Variants in CDH23 observed in about 807,000 individuals in gnomAD.
The protein encoded by CDH23 is cadherin related 23.
A neutral mutation model predicts 317.1 loss-of-function variants in CDH23; 189 were observed. The observed-to-expected ratio is 0.60, with a 90% CI of 0.53 to 0.67. The LOEUF (loss-of-function observed/expected upper bound fraction) is 0.67. CDH23 is among the 30% of genes least tolerant of loss of function. The pLI is 0.00. For synonymous variants in CDH23, 1,839 were observed against 1,876.8 expected, an observed-to-expected ratio of 0.98 and a Z score of 0.52; for missense variants, 4,401 against 4,592.4, an observed-to-expected ratio of 0.96 and a Z score of 1.20.
chr10:71,418,302 A>G (rs1258929350), intron 1 of CDH23, among the ~76,000 whole-genome samples: 1 of 152,178 alleles, frequency 6.6e-6, no homozygotes, highest in Non-Finnish European at 1.5e-5. Flanking sequence ...GGGAAGATTC[A>G]TTGTATCATC....
At position 71,811,358 on chromosome 10, in the gene CDH23, C is replaced by A; in HGVS notation, c.9121C>A (p.Leu3041Ile). The A allele has an allele frequency of 5.0e-6, 8 of 1,613,936 alleles. No homozygotes were observed. The highest frequency in any genetic ancestry group is 6.8e-6 in the Non-Finnish European group (8 of 1,179,880). ...TGAGAACAAGGAGCAGCTACGGAAT[C>A]TTTTCCGGAACTACAACGTCCTGGA... ...IDENKEQLRN[L>I]FRNYNVLDVQ... The change falls in exon 63 of 70, where the codon CTT (leucine) becomes ATT (isoleucine). Residue 3041 changes from leucine to isoleucine, a missense_variant. By Grantham distance (5) the Leu-to-Ile change is conservative. Coordinates refer to ENST00000224721, the MANE Select transcript of CDH23 (RefSeq NM_022124.6).
chr10:71,737,320 C>G (rs1289887463), intron 34 of CDH23, among the ~76,000 whole-genome samples: 2 of 152,222 alleles, frequency 1.3e-5, no homozygotes, highest in East Asian at 3.8e-4. Flanking sequence ...AGGTGTCATT[C>G]TGATTTTCAG....
At chr10:71,427,393 A>G (rs981499456) in intron 1 of CDH23, among the ~76,000 whole-genome samples, 7 of 152,060 alleles carry the variant, frequency 4.6e-5, no homozygotes, top group African/African-American at 1.7e-4. Context: ...TTTCACATAA[A>G]CAAACTCATA....
intron 9 of CDH23, among the ~76,000 whole-genome samples, chr10:71,609,280 G>A (rs1274086233): frequency 4.0e-5 from 6 of 150,020 alleles, no homozygotes; most frequent in Admixed American, 1.3e-4. Flanking sequence ...GCCCCTCCCA[G>A]TCCACTTCTC....
chr10:71,755,586 A>C (rs755630026), intron 38 of CDH23: 84 of 898,266 alleles, frequency 9.4e-5, no homozygotes, highest in Non-Finnish European at 1.4e-4. Context: ...CCAGAGTCCC[A>C]CAGCTAGACC....
chr10:71,768,324 C>T (rs1300346008), intron 38 of CDH23, among the ~76,000 whole-genome samples: 3 of 152,164 alleles, frequency 2.0e-5, no homozygotes, highest in Non-Finnish European at 1.5e-5. Flanking sequence ...GCACCCGCCA[C>T]CACGCCTGGC....
At chr10:71,653,772 G>A (rs556004433) in intron 14 of CDH23, among the ~76,000 whole-genome samples, 3 of 152,326 alleles carry the variant, frequency 2.0e-5, no homozygotes, top group East Asian at 3.9e-4. Context: ...GCTGTGTCCT[G>A]ACCCTCAGTC....
At chr10:71,750,649 G>C (rs1188078796) in intron 38 of CDH23, 2 of 152,456 alleles carry the variant, frequency 1.3e-5, no homozygotes, top group African/African-American at 4.8e-5. Context: ...GGCAGTGGAA[G>C]CCCCAGATTG....
In CDH23 at chr10:71,615,573, G is replaced by C. The variant is rs121908355; in HGVS notation, c.902G>C (p.Arg301Pro). 1 of 1,613,794 alleles carries C rather than the reference G, an allele frequency of 6.2e-7. No individual in the cohort carries two copies. The highest frequency in any genetic ancestry group is 8.5e-7 in the Non-Finnish European group (1 of 1,179,870). Residue 301 changes from arginine (R) to proline (P), a missense_variant, in exon 10 of 70, where the codon CGG (arginine) becomes CCG (proline). Coordinates refer to ENST00000224721, the MANE Select transcript of CDH23 (RefSeq NM_022124.6). The stretch of plus-strand genomic sequence containing the variant: ...CTGACCTTGAATGGCCTGCTGGACC[G>C]GGAGAACCCCCTGTACAGCCATGGC... ...GVLTLNGLLD[R>P]ENPLYSHGFI...
At chr10:71,422,881 TC>T (rs1363523604) in intron 1 of CDH23, among the ~76,000 whole-genome samples, 2 of 152,090 alleles carry the variant, frequency 1.3e-5, no homozygotes, top group Admixed American at 1.3e-4. Context: ...GCCCCATGAC[TC>T]CATTTCCTGG....
chr10:71,414,902 A>G (rs911017145), intron 1 of CDH23, among the ~76,000 whole-genome samples: 3 of 152,142 alleles, frequency 2.0e-5, no homozygotes. Flanking sequence ...TTATATTCTT[A>G]TGTTTTTGTG....
At position 71,612,227 on chromosome 10, in the gene CDH23, A is replaced by AGTGTGTGTGTGTGT. The variant is rs112383786; in HGVS notation, c.833-3266_833-3253dup. The stretch of plus-strand genomic sequence containing the variant: ...CATGCAAACAGATGTGTGAAAAAGA[A>AGTGTGTGTGTGTGT]GTGTGTGTGTGTGTGTGTGTGTGTA... On this transcript the variant is annotated intron_variant, in intron 9 of 69. Coordinates refer to ENST00000224721, the MANE Select transcript of CDH23 (RefSeq NM_022124.6). Among the ~76,000 whole-genome samples, 105 of 149,302 alleles carry AGTGTGTGTGTGTGT rather than the reference A, an allele frequency of 7.0e-4. 1 individual carries two copies. The highest frequency in any genetic ancestry group is 2.5e-3 in the African/African-American group (103 of 40,598).
Position 71,672,532 on chromosome 10 carries a change from A to G in CDH23, c.1450-2580A>G, listed in dbSNP as rs181653217. On this transcript the variant is annotated intron_variant, in intron 14 of 69. Coordinates refer to ENST00000224721, the MANE Select transcript of CDH23 (RefSeq NM_022124.6). The stretch of plus-strand genomic sequence containing the variant: ...CCAGGCATACATATTTCACATGGTC[A>G]TTAGGCGGTGGCACTGAAGGACTCA... Among the ~76,000 whole-genome samples the G allele has an allele frequency of 2.0e-4, 31 of 152,234 alleles. No individual in the cohort carries two copies. The East Asian group carries it at 6.0e-3, about 29-fold the overall frequency.
intron 11 of CDH23, among the ~76,000 whole-genome samples, chr10:71,627,371 GTGA>G (rs67455069): frequency 0.92 from 139,587 of 151,212 alleles, 64,536 homozygotes; most frequent in East Asian, 0.99. Context: ...GGCCCTTATT[GTGA>G]TGATGATGAT....
At chr10:71,711,803 C>T (rs1482006851) in intron 27 of CDH23, 1 of 152,070 alleles carries the variant, frequency 6.6e-6, no homozygotes, top group Non-Finnish European at 1.5e-5. Flanking sequence ...TCTGCCTGTC[C>T]GCTGTGGACT....
intron 38 of CDH23, among the ~76,000 whole-genome samples, chr10:71,774,565 C>G (rs550413640): frequency 5.9e-5 from 9 of 152,336 alleles, no homozygotes; most frequent in African/African-American, 1.7e-4. Context: ...TTCTGAGACC[C>G]TAGCACAAAG....
At chr10:71,449,271 C>A (rs79640650) in intron 3 of CDH23, among the ~76,000 whole-genome samples, 15,920 of 152,148 alleles carry the variant, frequency 0.1, 920 homozygotes, top group South Asian at 0.16. Flanking sequence ...GCCAGGCTGA[C>A]CGTGTCGGCT....
chr10:71,578,377 G>A (rs1254708410), intron 9 of CDH23, among the ~76,000 whole-genome samples: 2 of 152,178 alleles, frequency 1.3e-5, no homozygotes, highest in African/African-American at 4.8e-5. Context: ...TCTCGTATTT[G>A]ATGAAAAGGT....
intron 31 of CDH23, among the ~76,000 whole-genome samples, chr10:71,731,263 G>C (rs913511133): frequency 2.0e-5 from 3 of 152,228 alleles, no homozygotes; most frequent in Non-Finnish European, 2.9e-5. Flanking sequence ...CCCCAGAGAG[G>C]CTCCCTGAGC....
Sources: gnomAD v4.1 joint callset for allele counts (sites outside exome capture counted in the v4.1 genomes callset) on GRCh38, gnomAD v4.1.1 for gene constraint, MANE v1.5 for transcripts, NCBI Gene and HGNC (gene_info 2026-07-23, HGNC 2026-07-21) for gene names.